SPATA13: variants seen among roughly 807,000 people sequenced by gnomAD.
The protein encoded by SPATA13 is spermatogenesis-associated protein 13.
A neutral mutation model predicts 104.0 loss-of-function variants in SPATA13; 50 were observed. That is an observed-to-expected ratio of 0.48 (90% CI 0.38 to 0.61). SPATA13 has a LOEUF of 0.61. SPATA13 is among the 20% of genes least tolerant of loss of function. The pLI is 0.00. For synonymous variants in SPATA13, 606 were observed against 667.5 expected (o/e 0.91, Z 1.42); for missense variants, 1,524 against 1,690.6 (o/e 0.90, Z 1.73).
chr13:24,153,352 C>T (rs1255027270), intron 3 of SPATA13, among the ~76,000 whole-genome samples: 3 of 152,140 alleles, frequency 2.0e-5, no homozygotes, highest in Non-Finnish European at 2.9e-5. Context: ...TGCACTTCCT[C>T]CTCACTGCCA....
At chr13:24,202,676 C>A (rs1407817662) in intron 1 of SPATA13, among the ~76,000 whole-genome samples, 2 of 150,540 alleles carry the variant, frequency 1.3e-5, no homozygotes, top group African/African-American at 2.5e-5. Context: ...TTGCAAAATA[C>A]AGACGGAAGA....
intron 4 of SPATA13, among the ~76,000 whole-genome samples, chr13:24,266,470 A>C (rs962015665): frequency 5.9e-5 from 9 of 152,032 alleles, no homozygotes; most frequent in African/African-American, 1.9e-4. Flanking sequence ...TTTTTTGTAG[A>C]GATGGGGTCT....
upstream of SPATA13, among the ~76,000 whole-genome samples, chr13:24,157,704 T>C (rs528781771): frequency 3.9e-5 from 6 of 152,280 alleles, no homozygotes; most frequent in African/African-American, 1.4e-4. Context: ...GGAGTTTCCT[T>C]TCTGCCCTGT....
At chr13:24,023,909 G>C (rs1593283391) in intron 3 of SPATA13, among the ~76,000 whole-genome samples, 1 of 152,236 alleles carries the variant, frequency 6.6e-6, no homozygotes, top group African/African-American at 2.4e-5. Context: ...CACAGCATGG[G>C]TGGGGATTTG....
chr13:24,176,748 G>A (rs959683461), intron 1 of SPATA13, among the ~76,000 whole-genome samples: 2 of 152,104 alleles, frequency 1.3e-5, no homozygotes, highest in Non-Finnish European at 2.9e-5. Context: ...TGATTGATTA[G>A]CTATTAATTA....
intron 4 of SPATA13, among the ~76,000 whole-genome samples, chr13:24,252,279 A>G (rs1873538035): frequency 6.6e-6 from 1 of 152,078 alleles, no homozygotes; most frequent in South Asian, 2.1e-4. Context: ...GCATTGCCTC[A>G]TCTCTGCCTT....
At chr13:23,992,530 T>C (rs549090340) in intron 2 of SPATA13, among the ~76,000 whole-genome samples, 1 of 152,264 alleles carries the variant, frequency 6.6e-6, no homozygotes, top group East Asian at 1.9e-4. Context: ...ATGAAGGCTT[T>C]GTATCTTTGA....
chr13:24,046,691 T>C (rs1878162072), intron 3 of SPATA13, among the ~76,000 whole-genome samples: 1 of 151,964 alleles, frequency 6.6e-6, no homozygotes, highest in African/African-American at 2.4e-5. Context: ...GTACTATTGA[T>C]AGAAATTTGG....
At chr13:24,146,742 T>G (rs376552329) in intron 3 of SPATA13, among the ~76,000 whole-genome samples, 1 of 152,224 alleles carries the variant, frequency 6.6e-6, no homozygotes, top group East Asian at 1.9e-4. Context: ...CCTTTGTGTC[T>G]AAAGCATTTT....
rs573386791 is a variant in SPATA13 at position 24,004,047 on chromosome 13, T to C, written c.-146-13620T>C. 2.0e-5 allele frequency among the ~76,000 whole-genome samples: 3 copies of C among 152,320 alleles called. No homozygotes were observed. In the South Asian group the frequency reaches 6.2e-4, roughly 32 times the overall value. On this transcript the variant is annotated intron_variant, in intron 2 of 14. Coordinates refer to the SPATA13 transcript ENST00000424834. ...AGAAGTTGACTCTTGTCTCCTTGCATAGTTCCTGGTGGGCACTCCTGGGCT... is the reference window on the plus strand; with the variant it reads ...AGAAGTTGACTCTTGTCTCCTTGCACAGTTCCTGGTGGGCACTCCTGGGCT...
At chr13:24,154,166 T>C (rs4644724) in intron 3 of SPATA13, among the ~76,000 whole-genome samples, 29,382 of 151,974 alleles carry the variant, frequency 0.19, 3,459 homozygotes, top group East Asian at 0.64. Flanking sequence ...GGTAAACATA[T>C]GCACACCTGA....
intron 1 of SPATA13, among the ~76,000 whole-genome samples, chr13:24,180,543 T>C (rs1868734453): frequency 1.3e-5 from 2 of 152,184 alleles, no homozygotes; most frequent in Admixed American, 6.5e-5. Context: ...AGCCAGGATT[T>C]TGATAGGATT....
At chr13:24,027,770 A>G (rs1566077829) in intron 3 of SPATA13, among the ~76,000 whole-genome samples, 1 of 152,166 alleles carries the variant, frequency 6.6e-6, no homozygotes, top group Admixed American at 6.5e-5. Context: ...GTATCATAGC[A>G]TAGTTGTGAA....
chr13:24,081,316 CTTATT>C (rs907920041), intron 3 of SPATA13, among the ~76,000 whole-genome samples: 4 of 152,154 alleles, frequency 2.6e-5, no homozygotes, highest in East Asian at 1.9e-4. Flanking sequence ...AGGCCCTTCT[CTTATT>C]TTATTTTATT....
At chr13:24,108,944 G>GCT (rs1055925205) in intron 3 of SPATA13, among the ~76,000 whole-genome samples, 1 of 152,022 alleles carries the variant, frequency 6.6e-6, no homozygotes, top group African/African-American at 2.4e-5. Context: ...CCACACTCCA[G>GCT]CTCTCTCTTT....
chr13:24,009,372 A>C (rs959775829), intron 2 of SPATA13, among the ~76,000 whole-genome samples: 1 of 152,248 alleles, frequency 6.6e-6, no homozygotes, highest in African/African-American at 2.4e-5. Context: ...GAAGGGATTC[A>C]TTCTGAGCCA....
intron 3 of SPATA13, among the ~76,000 whole-genome samples, chr13:24,113,701 C>A (rs1225089008): frequency 3.3e-5 from 5 of 151,546 alleles, no homozygotes; most frequent in Admixed American, 1.3e-4. Context: ...GAAACCCCAT[C>A]TCTACTAAAA....
In SPATA13 at chr13:24,223,009, C is replaced by T. The variant is rs1334972640; in HGVS notation, c.80C>T (p.Pro27Leu). 1 of 1,551,270 alleles carries T rather than the reference C, an allele frequency of 6.4e-7. No homozygotes were observed. Among genetic ancestry groups the T allele is most frequent in the Non-Finnish European group, 8.7e-7 (1 of 1,146,772 alleles). Residue 27 changes from proline to leucine, a missense_variant, in exon 2 of 13, where the codon CCC becomes CTC. Pro to Leu is a moderately conservative substitution (Grantham distance 98). This residue lies in a region of SPATA13 where 1,089 missense variants were observed against 1,135.9 expected (regional missense o/e 0.96). Coordinates refer to ENST00000382108, the MANE Select transcript of SPATA13 (RefSeq NM_001166271.3). ...TTAPNGLGPG[P>L]AAPCAGSDLK... ...GCCCCAAACGGCCTCGGGCCAGGCC[C>T]CGCAGCCCCCTGTGCAGGCTCGGAC...
At chr13:24,010,458 C>CT (rs34740517) in intron 2 of SPATA13, among the ~76,000 whole-genome samples, 1,719 of 137,060 alleles carry the variant, frequency 0.013, 25 homozygotes, top group African/African-American at 0.034. Flanking sequence ...AGGTATGTAG[C>CT]TTTTTTTTTT....
Sources: allele counts gnomAD v4.1 joint callset (sites outside exome capture counted in the v4.1 genomes callset), GRCh38; gene constraint gnomAD v4.1.1; regional missense constraint gnomAD v4.1.1; transcripts MANE v1.5; gene names NCBI Gene and HGNC (gene_info 2026-07-23, HGNC 2026-07-21).